HCN1: variants seen among roughly 807,000 people sequenced by gnomAD.
HCN1 encodes the protein potassium/sodium hyperpolarization-activated cyclic nucleotide-gated channel 1.
A neutral mutation model predicts 78.9 loss-of-function variants in HCN1; 13 were observed. That is an observed-to-expected ratio of 0.16 (90% CI 0.11 to 0.26). The LOEUF (loss-of-function observed/expected upper bound fraction) is 0.26, where lower values mean the gene tolerates loss of function less well. HCN1 is among the 10% of genes least tolerant of loss of function. The probability of loss-of-function intolerance (pLI) is 1.00; values close to 1 mark genes in which losing one functional copy is unlikely to be tolerated. For synonymous variants in HCN1, 552 were observed against 455.5 expected (o/e 1.21, Z -2.70); for missense variants, 810 against 1,154.3 (o/e 0.70, Z 4.32).
intron 4 of HCN1, among the ~76,000 whole-genome samples, chr5:45,354,654 C>G (rs2111984839): frequency 6.6e-6 from 1 of 152,084 alleles, no homozygotes; most frequent in Non-Finnish European, 1.5e-5. Context: ...TTTGAACATT[C>G]CCTTTTGAAC....
chr5:45,558,193 G>GT (rs1436792441), intron 2 of HCN1: 2 of 151,362 alleles, frequency 1.3e-5, no homozygotes, highest in African/African-American at 4.8e-5. Flanking sequence ...TATGGAGAAA[G>GT]TTTGAGTGTT....
intron 1 of HCN1, chr5:45,695,179 C>T (rs561357145): frequency 5.7e-6 from 1 of 175,732 alleles, no homozygotes. Flanking sequence ...TCCCCAGGGG[C>T]GAGCGCGGCA....
intron 2 of HCN1, among the ~76,000 whole-genome samples, chr5:45,533,179 C>G (rs1281094062): frequency 6.6e-6 from 1 of 152,090 alleles, no homozygotes; most frequent in Non-Finnish European, 1.5e-5. Context: ...GTTTGTTTTT[C>G]TGAAAAGCTT....
At chr5:45,497,599 T>C (rs1477036499) in intron 2 of HCN1, among the ~76,000 whole-genome samples, 4 of 152,184 alleles carry the variant, frequency 2.6e-5, no homozygotes, top group Admixed American at 1.3e-4. Flanking sequence ...TGTGTGTCTC[T>C]GCACGTGAGA....
chr5:45,270,705 A>G (rs1214664196), intron 6 of HCN1, among the ~76,000 whole-genome samples: 1 of 152,132 alleles, frequency 6.6e-6, no homozygotes, highest in Admixed American at 6.6e-5. Context: ...TAAGAAATGT[A>G]TTTGTCTTAT....
Position 45,480,760 on chromosome 5 carries a change from A to T in HCN1, c.850-18753T>A, listed in dbSNP as rs980386214. On this transcript the variant is annotated intron_variant, in intron 2 of 7. Transcript: ENST00000303230. Reference sequence around the variant, plus strand: ...CTTTAGTCCCTGATCATTTTTCCAGAGTCAGTAGACTGTAAGAAACCTACA... The same window carrying T: ...CTTTAGTCCCTGATCATTTTTCCAGTGTCAGTAGACTGTAAGAAACCTACA... Among the ~76,000 whole-genome samples, 36 of 152,208 alleles carry T rather than the reference A, an allele frequency of 2.4e-4. 1 individual carries two copies. Among genetic ancestry groups the T allele is most frequent in the Admixed American group, 2.1e-3 (32 of 15,276 alleles).
At chr5:45,492,852 G>GT (rs1741917993) in intron 2 of HCN1, among the ~76,000 whole-genome samples, 2 of 151,902 alleles carry the variant, frequency 1.3e-5, no homozygotes, top group South Asian at 2.1e-4. Flanking sequence ...CCTTTATTTT[G>GT]TTTTTTGTTC....
At chr5:45,522,263 TA>T (rs1222731839) in intron 2 of HCN1, among the ~76,000 whole-genome samples, 2 of 152,092 alleles carry the variant, frequency 1.3e-5, no homozygotes, top group African/African-American at 4.8e-5. Flanking sequence ...GCTATACACT[TA>T]AACTTACTGT....
intron 2 of HCN1, among the ~76,000 whole-genome samples, chr5:45,554,429 C>T (rs1250448578): frequency 6.6e-6 from 1 of 151,660 alleles, no homozygotes; most frequent in African/African-American, 2.4e-5. Context: ...AGTATTTACA[C>T]TTAATGAAAA....
chr5:45,494,359 G>A (rs148097289), intron 2 of HCN1, among the ~76,000 whole-genome samples: 2 of 152,032 alleles, frequency 1.3e-5, no homozygotes, highest in African/African-American at 4.8e-5. Context: ...CAGTGATGGT[G>A]AGCATTTTTC....
At chr5:45,316,511 G>A (rs925749976) in intron 5 of HCN1, among the ~76,000 whole-genome samples, 1 of 152,220 alleles carries the variant, frequency 6.6e-6, no homozygotes, top group Middle Eastern at 3.4e-3. Flanking sequence ...CACAAGACAG[G>A]GATGCCCTCT....
chr5:45,447,520 G>C (rs1326865888), intron 3 of HCN1, among the ~76,000 whole-genome samples: 1 of 152,144 alleles, frequency 6.6e-6, no homozygotes, highest in African/African-American at 2.4e-5. Flanking sequence ...TGCGATTACA[G>C]GCATGAGCCA....
intron 3 of HCN1, among the ~76,000 whole-genome samples, chr5:45,446,862 T>G (rs1740809547): frequency 6.6e-6 from 1 of 152,060 alleles, no homozygotes; most frequent in East Asian, 1.9e-4. Flanking sequence ...CCACCAGGCC[T>G]GCCCTAAAAG....
chr5:45,371,575 A>G (rs1283456663), intron 4 of HCN1, among the ~76,000 whole-genome samples: 1 of 151,336 alleles, frequency 6.6e-6, no homozygotes, highest in Non-Finnish European at 1.5e-5. Context: ...TGGACAACAC[A>G]GTGAAACCCT....
At chr5:45,370,155 G>A (rs1321579553) in intron 4 of HCN1, among the ~76,000 whole-genome samples, 3 of 151,856 alleles carry the variant, frequency 2.0e-5, no homozygotes, top group African/African-American at 7.2e-5. Context: ...ACTGCAATGT[G>A]AAGAATACAA....
At chr5:45,532,271 G>A (rs1182437388) in intron 2 of HCN1, among the ~76,000 whole-genome samples, 1 of 152,136 alleles carries the variant, frequency 6.6e-6, no homozygotes, top group Non-Finnish European at 1.5e-5. Context: ...AACAATTGTG[G>A]TCATGCTCTA....
At chr5:45,575,484 G>A (rs1001790504) in intron 2 of HCN1, 1 of 152,022 alleles carries the variant, frequency 6.6e-6, no homozygotes, top group African/African-American at 2.4e-5. Flanking sequence ...TAAATGACGA[G>A]TTAATGGGTG....
chr5:45,379,096 CT>C (rs1195713902), intron 4 of HCN1, among the ~76,000 whole-genome samples: 1 of 152,076 alleles, frequency 6.6e-6, no homozygotes, highest in Non-Finnish European at 1.5e-5. Context: ...GTGCATGTGT[CT>C]TTATAGCAGC....
intron 1 of HCN1, among the ~76,000 whole-genome samples, chr5:45,658,677 CAAAG>C (rs1212639711): frequency 6.6e-6 from 1 of 151,462 alleles, no homozygotes; most frequent in African/African-American, 2.4e-5. Context: ...CTTTCCGAGT[CAAAG>C]AAAGGGGTGA....
Sources: gnomAD v4.1 joint callset for allele counts (sites outside exome capture counted in the v4.1 genomes callset) on GRCh38, gnomAD v4.1.1 for gene constraint, MANE v1.5 for transcripts, NCBI Gene and HGNC (gene_info 2026-07-23, HGNC 2026-07-21) for gene names.